ODF2L: variants seen among roughly 807,000 people sequenced by gnomAD.
The protein encoded by ODF2L is outer dense fiber of sperm tails 2 like, also known as protein BCAP.
In ODF2L, 76 loss-of-function variants were observed where a neutral mutation model predicts 86.3. The ratio of observed to expected loss-of-function variants is 0.88; its 90% CI spans 0.73 to 1.07. The LOEUF (loss-of-function observed/expected upper bound fraction) is 1.07, where lower values mean the gene tolerates loss of function less well. Among genes scored for constraint, ODF2L ranks in the 50% least tolerant of loss-of-function variants. The pLI is 0.00. For synonymous variants in ODF2L, 241 were observed against 231.3 expected (o/e 1.04, Z -0.38); for missense variants, 748 against 717.4 (o/e 1.04, Z -0.49).
chr1:86,371,697 T>G (rs1283088689), intron 9 of ODF2L, among the ~76,000 whole-genome samples: 1 of 152,202 alleles, frequency 6.6e-6, no homozygotes, highest in Non-Finnish European at 1.5e-5. Flanking sequence ...TTTTCTTTGT[T>G]ATGCATTTAA....
intron 4 of ODF2L, among the ~76,000 whole-genome samples, 176 bp from the exon 5 acceptor site, chr1:86,383,372 A>G (rs888114257): frequency 6.6e-6 from 1 of 151,826 alleles, no homozygotes; most frequent in Non-Finnish European, 1.5e-5. Flanking sequence ...TTGGTCTGCA[A>G]TTTATGAAAT....
At chr1:86,352,009 AAAG>A in exon 18 of ODF2L, 1 of 1,295,086 alleles carries the variant, frequency 7.7e-7, no homozygotes, top group Non-Finnish European at 9.8e-7. Context: ...GAGTTAAAAA[AAAG>A]TTTAGAAATA....
rs764678550 is a variant in ODF2L, at chr1:86,354,805, GAC to G, written c.1571_1572del (p.Cys524SerfsTer7). The G allele has an allele frequency of 3.1e-6, 5 of 1,605,922 alleles. No individual in the cohort carries two copies. Among genetic ancestry groups the G allele is most frequent in the African/African-American group, 2.7e-5 (2 of 74,678 alleles). ...AGGTTTTCACACTTCAGCTGAATAA[GAC>G]AGTTTTCCTCTTCCAGAGAAAGCTT... On this transcript the variant is annotated frameshift_variant, in exon 15 of 18. Coordinates refer to ENST00000317336, the Ensembl canonical transcript of ODF2L. LOFTEE classifies it high-confidence loss of function.
exon 10 of ODF2L, chr1:86,371,088 T>C: frequency 6.4e-7 from 1 of 1,559,300 alleles, no homozygotes; most frequent in Non-Finnish European, 8.8e-7. Flanking sequence ...TCTAAGAATT[T>C]CTTCACATGA....
chr1:86,394,840 CTTTTTTTTTT>C (rs33996151), intron 1 of ODF2L, among the ~76,000 whole-genome samples: 1 of 129,316 alleles, frequency 7.7e-6, no homozygotes, highest in East Asian at 2.2e-4. Context: ...TTTCTTTTTC[CTTTTTTTTTT>C]TTTTTTTTGA....
intron 13 of ODF2L, chr1:86,357,821 G>A: frequency 7.1e-6 from 7 of 985,086 alleles, no homozygotes; most frequent in Non-Finnish European, 7.2e-6. Context: ...GAAAAAGACA[G>A]GCTCCAACCC....
In ODF2L at chr1:86,355,255, A is replaced by G. The variant is rs1658452557; in HGVS notation, c.1519-396T>C. Reference sequence around the variant, plus strand: ...CTGTTTCACCTAAAAATACTGATTAATAATTGAGTATCTGTGAAGTCGAAA... The same window carrying G: ...CTGTTTCACCTAAAAATACTGATTAGTAATTGAGTATCTGTGAAGTCGAAA... On this transcript the variant is annotated intron_variant, in intron 14 of 17. Transcript: ENST00000317336. 1.1e-5 allele frequency: 9 copies of G among 827,192 alleles called. No homozygotes were observed. In the Middle Eastern group the frequency reaches 1.3e-3, roughly 124 times the overall value. The allele number at this position is 827,192 out of a possible 1,614,324, so 51.2% of individuals were successfully genotyped here. A position where few individuals can be genotyped will look rare whatever the true frequency, so the allele number is the denominator to read the frequency against.
intron 10 of ODF2L, among the ~76,000 whole-genome samples, chr1:86,369,828 A>G (rs1427540421): frequency 6.6e-6 from 1 of 152,188 alleles, no homozygotes; most frequent in Non-Finnish European, 1.5e-5. Context: ...CCTACATAGA[A>G]AGAAGGGTTT....
intron 11 of ODF2L, among the ~76,000 whole-genome samples, chr1:86,363,815 T>C (rs1465988189): frequency 6.6e-6 from 1 of 152,118 alleles, no homozygotes; most frequent in African/African-American, 2.4e-5. Flanking sequence ...TACAACTTTT[T>C]AACCTTCCAA....
intron 11 of ODF2L, among the ~76,000 whole-genome samples, chr1:86,367,690 A>G (rs1012627020): frequency 1.3e-5 from 2 of 152,210 alleles, no homozygotes; most frequent in South Asian, 4.1e-4. Flanking sequence ...TAAACATATT[A>G]CTTGACTGTG....
intron 7 of ODF2L, 111 bp downstream of exon 7, chr1:86,382,131 C>A: frequency 7.5e-7 from 1 of 1,325,280 alleles, no homozygotes; most frequent in South Asian, 2.0e-5. Context: ...TTTCCCATGT[C>A]AACAACTGTG....
intron 11 of ODF2L, among the ~76,000 whole-genome samples, chr1:86,367,682 A>G (rs1004790667): frequency 6.6e-6 from 1 of 152,166 alleles, no homozygotes; most frequent in African/African-American, 2.4e-5. Flanking sequence ...AACATTTATA[A>G]ACATATTACT....
In ODF2L at chr1:86,368,698, C is replaced by A; in HGVS notation, c.1081G>T (p.Glu361Ter). ...ATCAAAATGTTCATATTCTTTGACT[C>A]AGTAATTCTACATGGGAATCTAAGC... The change falls in exon 11 of 18, where the codon GAG becomes TAG. Residue 361 changes from glutamate (E) to a stop codon, truncating the protein, a stop_gained. Transcript: ENST00000317336. LOFTEE classifies it high-confidence loss of function. 6.9e-7 allele frequency: 1 copy of A among 1,444,754 alleles called. No individual in the cohort carries two copies. Among genetic ancestry groups the A allele is most frequent in the South Asian group, 1.5e-5 (1 of 65,864 alleles). 89.5% of individuals were successfully genotyped at this position (1,444,754 alleles called of 1,614,324 possible). A position where few individuals can be genotyped will look rare whatever the true frequency, so the allele number is the denominator to read the frequency against.
At chr1:86,385,498 G>A (rs1660885263) in exon 3 of ODF2L, 5 of 1,599,790 alleles carry the variant, frequency 3.1e-6, no homozygotes, top group Non-Finnish European at 4.3e-6. Flanking sequence ...CTTAAATAGT[G>A]GCAAAAGCAA....
intron 3 of ODF2L, among the ~76,000 whole-genome samples, 200 bp downstream of exon 3, chr1:86,385,258 T>C: frequency 6.6e-6 from 1 of 152,072 alleles, no homozygotes; most frequent in Non-Finnish European, 1.5e-5. Flanking sequence ...GCTTAGCCTC[T>C]TATCAGGTGT....
At chr1:86,385,377 TATAAG>T (rs2101406288) in intron 3 of ODF2L, 76 bp downstream of exon 3, 1 of 798,502 alleles carries the variant, frequency 1.3e-6, no homozygotes, top group Non-Finnish European at 2.0e-6. Flanking sequence ...AGCATACCTA[TATAAG>T]ATATGAGACC....
At chr1:86,348,633 C>G (rs1372961563), downstream of ODF2L, 1 of 939,120 alleles carries the variant, frequency 1.1e-6, no homozygotes, top group East Asian at 3.6e-5. Flanking sequence ...ATAAAAACCT[C>G]TAATACTACC....
chr1:86,387,198 AAAT>A (rs1413326404), intron 1 of ODF2L, 112 bp from the exon 2 acceptor site: 47 of 457,418 alleles, frequency 1.0e-4, no homozygotes, highest in Non-Finnish European at 1.6e-4. Flanking sequence ...TTCAAAGACA[AAAT>A]AAGAAGTATA....
In ODF2L at chr1:86,383,128, A is replaced by G. The variant is rs1660699537; in HGVS notation, c.435+6T>C. The G allele has an allele frequency of 1.9e-6, 3 of 1,540,890 alleles. No homozygotes were observed. The highest frequency in any genetic ancestry group is 2.7e-5 in the African/African-American group (2 of 72,862). On this transcript the variant is annotated splice_donor_region_variant and intron_variant, in intron 5 of 17. Coordinates refer to ENST00000317336, the Ensembl canonical transcript of ODF2L. ...ATGGACACAAAGTAAGTGTGGAAAG[A>G]CTTACAGTATTTTCACTTTCATTAT... is the stretch of plus-strand genomic sequence containing the variant.
Sources: gnomAD v4.1 joint callset for allele counts (sites outside exome capture counted in the v4.1 genomes callset) on GRCh38, gnomAD v4.1.1 for gene constraint, MANE v1.5 for transcripts, NCBI Gene and HGNC (gene_info 2026-07-23, HGNC 2026-07-21) for gene names.